RASSF5: variants seen among roughly 807,000 people sequenced by gnomAD.
The protein encoded by RASSF5 is Ras association domain family member 5.
A neutral mutation model predicts 40.5 loss-of-function variants in RASSF5; 25 were observed. That is an observed-to-expected ratio of 0.62 (90% CI 0.45 to 0.86). The LOEUF is 0.86. Ranked by LOEUF, RASSF5 falls within the 40% of genes least tolerant of loss-of-function variation. The pLI, the probability that RASSF5 is intolerant of heterozygous loss-of-function variation, is 0.00. For missense variants in RASSF5, 521 were observed against 572.8 expected (o/e 0.91, Z 0.92); for synonymous variants, 246 against 252.4 (o/e 0.97, Z 0.24).
At chr1:206,544,242 C>T (rs1337382131) in intron 2 of RASSF5, 2 of 152,050 alleles carry the variant, frequency 1.3e-5, no homozygotes, top group Non-Finnish European at 2.9e-5. Context: ...GAGGCTCCAG[C>T]GAGAAGAGGT....
chr1:206,568,325 G>C (rs535830582), intron 2 of RASSF5, among the ~76,000 whole-genome samples: 1 of 152,208 alleles, frequency 6.6e-6, no homozygotes. Context: ...AACAGGGCAC[G>C]CAGCATGTGA....
Position 206,531,539 on chromosome 1 carries a change from G to A in RASSF5, c.458-6633G>A, listed in dbSNP as rs569004857. Among the ~76,000 whole-genome samples the A allele has an allele frequency of 1.3e-4, 20 of 152,280 alleles. No individual in the cohort carries two copies. Among genetic ancestry groups the A allele is most frequent in the Admixed American group, 2.0e-4 (3 of 15,306 alleles). On this transcript the variant is annotated intron_variant, in intron 1 of 5. Coordinates refer to ENST00000579436, the MANE Select transcript of RASSF5 (RefSeq NM_182663.4). This position sits in a 1 kb window ranked among gnomAD's most constrained non-coding sequence, Gnocchi z 4.7. The stretch of plus-strand genomic sequence containing the variant: ...GGAGCTGCCCTGGGATGGTCTGTGC[G>A]CAGAGGGCGCTGGAGACCCTCTCTG...
chr1:206,584,503 C>A lies in RASSF5; in HGVS notation c.807C>A (p.Asn269Lys). The A allele has an allele frequency of 1.2e-6, 2 of 1,614,088 alleles. No homozygotes were observed. The highest frequency in any genetic ancestry group is 1.7e-6 in the Non-Finnish European group (2 of 1,179,994). ...QSIYDAIKEV[N>K]LAATTDKRTS... ...TCTATGATGCCATCAAGGAGGTGAA[C>A]CTGGCGGCTACCACGGACAAGCGGA... The change falls in exon 4 of 6, where the codon AAC (asparagine) becomes AAA (lysine). Residue 269 changes from asparagine to lysine, a missense_variant. Physicochemically the swap from Asn to Lys is moderately conservative, Grantham distance 94. This residue lies in a region of RASSF5 where 284 missense variants were observed against 360.8 expected (regional missense o/e 0.79). Coordinates refer to ENST00000579436, the MANE Select transcript of RASSF5 (RefSeq NM_182663.4). The surrounding 1 kb of genome is among the most constrained non-coding windows in gnomAD (Gnocchi z 4.9).
In RASSF5 at chr1:206,584,262, G is replaced by A. The variant is rs540799440; in HGVS notation, c.691-125G>A. 17 of 909,320 alleles carry A rather than the reference G, an allele frequency of 1.9e-5. No individual in the cohort carries two copies. Among genetic ancestry groups the A allele is most frequent in the South Asian group, 1.2e-4 (7 of 58,010 alleles). 56.3% of individuals were successfully genotyped at this position (909,320 alleles called of 1,614,324 possible). A position where few individuals can be genotyped will look rare whatever the true frequency, so the allele number is the denominator to read the frequency against. On this transcript the variant is annotated intron_variant, in intron 3 of 5. Transcript: ENST00000579436. The surrounding 1 kb of genome is among the most constrained non-coding windows in gnomAD (Gnocchi z 4.9). ...CTGCTCCTTCCTCCAGCTCTCCCACGTCAGCAGAGGCAGGAAAGAACTCAA... is the reference window on the plus strand; with the variant it reads ...CTGCTCCTTCCTCCAGCTCTCCCACATCAGCAGAGGCAGGAAAGAACTCAA...
chr1:206,523,929 TA>T (rs1469327388), intron 1 of RASSF5, among the ~76,000 whole-genome samples: 3 of 114,934 alleles, frequency 2.6e-5, no homozygotes, highest in African/African-American at 1.1e-4. Flanking sequence ...ATATATACCA[TA>T]TATAATATAT....
chr1:206,546,298 C>T (rs868979795), intron 2 of RASSF5, among the ~76,000 whole-genome samples: 18 of 151,096 alleles, frequency 1.2e-4, no homozygotes, highest in African/African-American at 4.4e-4. Flanking sequence ...TCGTAGAGAC[C>T]GGGTTTCGCC....
intron 2 of RASSF5, among the ~76,000 whole-genome samples, chr1:206,558,746 G>A (rs1553402155): frequency 6.6e-6 from 1 of 152,194 alleles, no homozygotes; most frequent in Non-Finnish European, 1.5e-5. Context: ...AAGAGATTGT[G>A]ATTTTATGTT....
chr1:206,509,496 A>G (rs1666559183), intron 1 of RASSF5, among the ~76,000 whole-genome samples: 1 of 152,248 alleles, frequency 6.6e-6, no homozygotes, highest in Non-Finnish European at 1.5e-5. Context: ...TGACTACAGT[A>G]GAATCAAATG....
At chr1:206,517,463 T>G (rs1273040980) in intron 1 of RASSF5, among the ~76,000 whole-genome samples, 1 of 151,938 alleles carries the variant, frequency 6.6e-6, no homozygotes, top group Admixed American at 6.5e-5. Flanking sequence ...CAGAGCAAGA[T>G]CCTGTCTCAA....
chr1:206,518,663 G>T, intron 1 of RASSF5: 1 of 383,682 alleles, frequency 2.6e-6, no homozygotes, highest in African/African-American at 2.1e-5. Context: ...GCTGAGCTCA[G>T]CACCACTCCT....
In RASSF5 at chr1:206,518,529, G is replaced by C. The variant is rs554321355; in HGVS notation, c.457+10470G>C. ...GATCCTGCAGAGGTTCCGCAACGGGGCCCGGAGGGCTCGGGGTAGGTCTAA... is the reference window on the plus strand; with the variant it reads ...GATCCTGCAGAGGTTCCGCAACGGGCCCCGGAGGGCTCGGGGTAGGTCTAA... On this transcript the variant is annotated intron_variant, in intron 1 of 5. Transcript: ENST00000579436. 23 of 398,574 alleles carry C rather than the reference G, an allele frequency of 5.8e-5. No homozygotes were observed. In the East Asian group the frequency reaches 8.2e-4, roughly 14 times the overall value. 24.7% of individuals were successfully genotyped at this position (398,574 alleles called of 1,614,324 possible). A position where few individuals can be genotyped will look rare whatever the true frequency, so the allele number is the denominator to read the frequency against.
At chr1:206,508,257 A>C (rs1666519858) in intron 1 of RASSF5, among the ~76,000 whole-genome samples, 198 bp downstream of exon 1, 1 of 151,892 alleles carries the variant, frequency 6.6e-6, no homozygotes, top group Non-Finnish European at 1.5e-5. Context: ...CCTGCCCACT[A>C]CCTAGGTATG....
At chr1:206,522,259 G>A (rs1666925993) in intron 1 of RASSF5, among the ~76,000 whole-genome samples, 1 of 152,138 alleles carries the variant, frequency 6.6e-6, no homozygotes, top group Non-Finnish European at 1.5e-5. Context: ...ATGCACAAAT[G>A]AACAACTGGT....
chr1:206,565,480 G>A lies in RASSF5; in HGVS notation c.580-17789G>A, dbSNP rs1668263023. 2.6e-5 allele frequency among the ~76,000 whole-genome samples: 4 copies of A among 152,228 alleles called. No homozygotes were observed. The South Asian group carries it at 6.2e-4, about 24-fold the overall frequency. On this transcript the variant is annotated intron_variant, in intron 2 of 5. Coordinates refer to ENST00000579436, the MANE Select transcript of RASSF5 (RefSeq NM_182663.4). ...CACCTGGCCTCAGTCAGAATGTTGT[G>A]TTTTTAACTTTCCTATAGCACTGAG...
At chr1:206,529,747 A>T in intron 1 of RASSF5, 1 of 510,188 alleles carries the variant, frequency 2.0e-6, no homozygotes, top group Non-Finnish European at 3.5e-6. Flanking sequence ...AATAATTAAA[A>T]TACTACAATT....
At chr1:206,563,062 C>T (rs1308500541) in intron 2 of RASSF5, among the ~76,000 whole-genome samples, 2 of 152,116 alleles carry the variant, frequency 1.3e-5, no homozygotes, top group African/African-American at 4.8e-5. Flanking sequence ...AGGTTTATTT[C>T]CCCCTTTACT....
At chr1:206,519,494 A>C (rs1553395795) in intron 1 of RASSF5, among the ~76,000 whole-genome samples, 2 of 152,232 alleles carry the variant, frequency 1.3e-5, no homozygotes, top group African/African-American at 4.8e-5. Context: ...CACAGATGAG[A>C]TAGCTCAGAC....
intron 1 of RASSF5, among the ~76,000 whole-genome samples, chr1:206,511,797 T>C (rs953393425): frequency 6.6e-6 from 1 of 152,154 alleles, no homozygotes; most frequent in Admixed American, 6.5e-5. Flanking sequence ...GTTGCTACGC[T>C]ATTGGCTGGG....
intron 2 of RASSF5, among the ~76,000 whole-genome samples, chr1:206,561,907 G>A (rs1297299106): frequency 1.3e-5 from 2 of 151,512 alleles, no homozygotes; most frequent in Non-Finnish European, 2.9e-5. Flanking sequence ...GACCTCAGGT[G>A]AACCCCTACC....
Sources: allele counts gnomAD v4.1 joint callset (sites outside exome capture counted in the v4.1 genomes callset), GRCh38; gene constraint gnomAD v4.1.1; regional missense constraint gnomAD v4.1.1; non-coding constraint Gnocchi (gnomAD v3.1); transcripts MANE v1.5; gene names NCBI Gene and HGNC (gene_info 2026-07-23, HGNC 2026-07-21).